Variants in CREB5 observed in about 807,000 individuals in gnomAD.
CREB5 encodes the protein cAMP responsive element binding protein 5.
In CREB5, 19 loss-of-function variants were observed where a neutral mutation model predicts 57.1. The observed-to-expected ratio is 0.33, with a 90% CI of 0.23 to 0.49. CREB5 has a LOEUF of 0.49. Among genes scored for constraint, CREB5 ranks in the 20% least tolerant of loss-of-function variants. The probability of loss-of-function intolerance (pLI) is 0.99; values close to 1 mark genes in which losing one functional copy is unlikely to be tolerated. For missense variants in CREB5, 579 were observed against 671.6 expected, an observed-to-expected ratio of 0.86 and a Z score of 1.52; for synonymous variants, 238 against 238.3, an observed-to-expected ratio of 1.00 and a Z score of 0.01.
At chr7:28,376,086 G>C (rs182959237) in intron 1 of CREB5, among the ~76,000 whole-genome samples, 1 of 152,284 alleles carries the variant, frequency 6.6e-6, no homozygotes, top group East Asian at 1.9e-4. Context: ...TAAGAGGCTG[G>C]CTCATCAGAC....
intron 3 of CREB5, among the ~76,000 whole-genome samples, chr7:28,504,444 A>G (rs114289030): frequency 6.6e-6 from 1 of 152,144 alleles, no homozygotes; most frequent in Non-Finnish European, 1.5e-5. Context: ...TATTGATAGG[A>G]GGCCCTTGGG....
rs186461118 is a variant in CREB5 at position 28,535,735 on chromosome 7, G to A, written c.291+27998G>A. Among the ~76,000 whole-genome samples the A allele has an allele frequency of 9.2e-5, 14 of 152,180 alleles. No homozygotes were observed. The East Asian group carries it at 2.5e-3, about 27-fold the overall frequency. On this transcript the variant is annotated intron_variant, in intron 4 of 10. Coordinates refer to ENST00000357727, the MANE Select transcript of CREB5 (RefSeq NM_182898.4). Reference sequence around the variant, plus strand: ...GAAAGGAGAAAAGAAGGAAGAAAGGGAGAAAAGAATACTATTGATGTGGTG... The same window carrying A: ...GAAAGGAGAAAAGAAGGAAGAAAGGAAGAAAAGAATACTATTGATGTGGTG...
Position 28,347,776 on chromosome 7 carries a change from G to T in CREB5, c.-25+48335G>T, listed in dbSNP as rs146144491. 1.1e-4 allele frequency among the ~76,000 whole-genome samples: 17 copies of T among 152,286 alleles called. No individual in the cohort carries two copies. In the East Asian group the frequency reaches 3.3e-3, roughly 29 times the overall value. ...TGCATGAGTCTGTTGTTCATGAAAA[G>T]ATTCAGCTGTAGCAGCATATGGACA... On this transcript the variant is annotated intron_variant, in intron 1 of 9. Transcript: ENST00000396299.
chr7:28,632,919 C>G (rs957412932), intron 5 of CREB5, among the ~76,000 whole-genome samples: 12 of 152,116 alleles, frequency 7.9e-5, no homozygotes, highest in Non-Finnish European at 1.5e-4. Context: ...TCCTGTTCAC[C>G]CTGAGTCGCT....
At chr7:28,441,998 A>G (rs1583465858) in intron 1 of CREB5, among the ~76,000 whole-genome samples, 2 of 152,146 alleles carry the variant, frequency 1.3e-5, no homozygotes, top group East Asian at 1.9e-4. Flanking sequence ...AATAAATTAC[A>G]GTTAACCATA....
intron 1 of CREB5, among the ~76,000 whole-genome samples, chr7:28,320,047 C>T (rs1785465482): frequency 6.6e-6 from 1 of 152,096 alleles, no homozygotes; most frequent in Non-Finnish European, 1.5e-5. Flanking sequence ...TCTCATACCT[C>T]AGCCTCCCAA....
chr7:28,591,647 A>G (rs1211833786), intron 5 of CREB5, among the ~76,000 whole-genome samples: 2 of 152,190 alleles, frequency 1.3e-5, no homozygotes, highest in African/African-American at 4.8e-5. Context: ...GCTAAGGGAG[A>G]CTGGTTGTTA....
At chr7:28,446,685 G>A (rs969959280) in intron 1 of CREB5, among the ~76,000 whole-genome samples, 3 of 152,136 alleles carry the variant, frequency 2.0e-5, no homozygotes, top group African/African-American at 4.8e-5. Flanking sequence ...CCAGCTACTT[G>A]GGAGGCTGAG....
At chr7:28,694,973 C>T (rs376517533) in intron 5 of CREB5, among the ~76,000 whole-genome samples, 1 of 152,182 alleles carries the variant, frequency 6.6e-6, no homozygotes, top group Non-Finnish European at 1.5e-5. Flanking sequence ...GTAATCACAG[C>T]ATGCAATTCG....
intron 3 of CREB5, among the ~76,000 whole-genome samples, chr7:28,505,725 C>G (rs1008651332): frequency 6.6e-6 from 1 of 152,074 alleles, no homozygotes; most frequent in Admixed American, 6.6e-5. Flanking sequence ...CAAGGAAGCT[C>G]GTTTCTTCAT....
intron 5 of CREB5, among the ~76,000 whole-genome samples, chr7:28,662,368 C>T (rs182717373): frequency 6.6e-6 from 1 of 152,286 alleles, no homozygotes; most frequent in East Asian, 1.9e-4. Flanking sequence ...GGTGGCCTCG[C>T]CCCAGCTCAG....
At chr7:28,346,028 C>T (rs1172136132) in intron 1 of CREB5, among the ~76,000 whole-genome samples, 2 of 152,022 alleles carry the variant, frequency 1.3e-5, no homozygotes, top group African/African-American at 2.4e-5. Flanking sequence ...AGGGGGGCAC[C>T]GTAGTGATGG....
At chr7:28,560,911 T>TGCGCGTGCGCGCGCGCGC (rs1174704522) in intron 4 of CREB5, among the ~76,000 whole-genome samples, 1 of 36,056 alleles carries the variant, frequency 2.8e-5, no homozygotes, top group Non-Finnish European at 5.1e-5. Context: ...CGCGCGTGCG[T>TGCGCGTGCGCGCGCGCGC]GTGCGTGTGT....
chr7:28,508,896 A>G (rs1448661357), intron 4 of CREB5, among the ~76,000 whole-genome samples: 6 of 152,180 alleles, frequency 3.9e-5, no homozygotes, highest in Non-Finnish European at 8.8e-5. Context: ...TTGCCAGCCA[A>G]ATAATAAGGT....
intron 5 of CREB5, among the ~76,000 whole-genome samples, chr7:28,652,414 G>C (rs1270783024): frequency 6.6e-6 from 1 of 152,148 alleles, no homozygotes; most frequent in African/African-American, 2.4e-5. Context: ...TTTTTAAAGT[G>C]TCAGAAACAT....
intron 4 of CREB5, among the ~76,000 whole-genome samples, chr7:28,538,399 A>G (rs548292622): frequency 2.1e-4 from 27 of 130,370 alleles, no homozygotes; most frequent in African/African-American, 6.1e-4. Context: ...CTTGTGATGA[A>G]ACCTTTATTC....
intron 7 of CREB5, among the ~76,000 whole-genome samples, chr7:28,746,313 T>A (rs1339045953): frequency 1.3e-5 from 2 of 152,170 alleles, no homozygotes; most frequent in African/African-American, 4.8e-5. Flanking sequence ...ACAAGAAAAG[T>A]TGTAAGTTCA....
At chr7:28,505,349 C>T (rs1048265229) in intron 3 of CREB5, among the ~76,000 whole-genome samples, 7 of 152,336 alleles carry the variant, frequency 4.6e-5, no homozygotes, top group African/African-American at 7.2e-5. Flanking sequence ...TAGTATCAAA[C>T]TTCCAGCTGT....
At chr7:28,434,826 G>A (rs1240169518) in intron 1 of CREB5, among the ~76,000 whole-genome samples, 1 of 152,082 alleles carries the variant, frequency 6.6e-6, no homozygotes, top group Non-Finnish European at 1.5e-5. Context: ...GTTTGGAACT[G>A]GGTGTTAATT....
Sources: gnomAD v4.1 joint callset for allele counts (sites outside exome capture counted in the v4.1 genomes callset) on GRCh38, gnomAD v4.1.1 for gene constraint, MANE v1.5 for transcripts, NCBI Gene and HGNC (gene_info 2026-07-23, HGNC 2026-07-21) for gene names.